The following MYT1L variants were observed in gnomAD, a reference collection of about 807,000 sequenced individuals.
MYT1L encodes the protein myelin transcription factor 1-like protein.
A neutral mutation model predicts 126.7 loss-of-function variants in MYT1L; 12 were observed. The observed-to-expected ratio is 0.09, with a 90% CI of 0.06 to 0.15. The LOEUF (loss-of-function observed/expected upper bound fraction) is 0.15, where lower values mean the gene tolerates loss of function less well. Among genes scored for constraint, MYT1L ranks in the 10% least tolerant of loss-of-function variants. The pLI is 1.00. For missense variants in MYT1L, 979 were observed against 1,585.2 expected (o/e 0.62, Z 6.49); for synonymous variants, 541 against 604.2 (o/e 0.90, Z 1.53).
chr2:2,155,056 G>A (rs1053074237), intron 3 of MYT1L, among the ~76,000 whole-genome samples: 3 of 152,226 alleles, frequency 2.0e-5, no homozygotes, highest in Non-Finnish European at 1.5e-5. Context: ...GAACCTGGGA[G>A]GCAGAGGTTG....
At chr2:2,081,951 C>G (rs2075880181) in intron 3 of MYT1L, among the ~76,000 whole-genome samples, 1 of 152,104 alleles carries the variant, frequency 6.6e-6, no homozygotes, top group African/African-American at 2.4e-5. Flanking sequence ...CCACGTTGGT[C>G]AGGCTGGTCT....
chr2:1,870,616 G>C (rs943554654), intron 18 of MYT1L, among the ~76,000 whole-genome samples: 2 of 152,152 alleles, frequency 1.3e-5, no homozygotes, highest in African/African-American at 4.8e-5. Flanking sequence ...ACCTGGCCAG[G>C]CAAGTCCATC....
At position 2,205,988 on chromosome 2, in the gene MYT1L, C is replaced by CT. The variant is rs34725591; in HGVS notation, c.-420-33001dup. Among the ~76,000 whole-genome samples the CT allele has an allele frequency of 5.8e-3, 848 of 145,906 alleles. 4 individuals are homozygous for CT. Among genetic ancestry groups the CT allele is most frequent in the Middle Eastern group, 0.014 (4 of 282 alleles). ...TAATTTCTTTTCTTTTCTTTTCTTT[C>CT]TTTTTTTTTTTTGAAACAGGGTCTC... On this transcript the variant is annotated intron_variant, in intron 2 of 24. Coordinates refer to ENST00000647738, the MANE Select transcript of MYT1L (RefSeq NM_001303052.2).
At chr2:2,107,409 C>T (rs1173996164) in intron 3 of MYT1L, among the ~76,000 whole-genome samples, 7 of 152,166 alleles carry the variant, frequency 4.6e-5, no homozygotes, top group Admixed American at 4.6e-4. Flanking sequence ...ACAGCAGAGG[C>T]CAGAAGTTGT....
At chr2:1,833,889 C>T (rs1395789081) in intron 21 of MYT1L, among the ~76,000 whole-genome samples, 4 of 152,204 alleles carry the variant, frequency 2.6e-5, no homozygotes, top group African/African-American at 4.8e-5. Flanking sequence ...GCAGCGGCTG[C>T]GCCAGGACTC....
chr2:1,983,781 A>G (rs984728125), intron 5 of MYT1L, among the ~76,000 whole-genome samples: 1 of 152,218 alleles, frequency 6.6e-6, no homozygotes, highest in Admixed American at 6.5e-5. Context: ...GAACCCGTGA[A>G]TGGCTCAGTC....
At chr2:2,295,595 G>GAGAGAGAGAGAGAGACAGACAGAC (rs1559583703) in intron 1 of MYT1L, among the ~76,000 whole-genome samples, 4 of 79,362 alleles carry the variant, frequency 5.0e-5, no homozygotes, top group African/African-American at 1.4e-4. Context: ...CAGACAGACA[G>GAGAGAGAGAGAGAGACAGACAGAC]AGAGAGAGAC....
intron 3 of MYT1L, among the ~76,000 whole-genome samples, chr2:2,087,959 G>A (rs1248818248): frequency 2.6e-5 from 4 of 152,214 alleles, no homozygotes; most frequent in African/African-American, 9.7e-5. Flanking sequence ...GATCACGGCT[G>A]AGTTGGTCAG....
At chr2:2,047,304 G>A (rs993429116) in intron 4 of MYT1L, among the ~76,000 whole-genome samples, 1 of 152,148 alleles carries the variant, frequency 6.6e-6, no homozygotes, top group Non-Finnish European at 1.5e-5. Context: ...TAGATTTTAC[G>A]CTGGATTTAT....
chr2:1,797,140 A>G (rs2033716800), intron 23 of MYT1L, among the ~76,000 whole-genome samples: 1 of 152,124 alleles, frequency 6.6e-6, no homozygotes, highest in Non-Finnish European at 1.5e-5. Flanking sequence ...CACTGAATCC[A>G]GTTGAATGGG....
intron 4 of MYT1L, among the ~76,000 whole-genome samples, chr2:2,008,428 T>A (rs1352938913): frequency 1.3e-5 from 2 of 152,242 alleles, no homozygotes; most frequent in African/African-American, 4.8e-5. Context: ...CGTTTCCCAT[T>A]TGAGGAGTGA....
At chr2:1,867,969 TTTTC>T (rs1348348159) in intron 18 of MYT1L, among the ~76,000 whole-genome samples, 9 of 147,676 alleles carry the variant, frequency 6.1e-5, no homozygotes, top group East Asian at 4.4e-4. Flanking sequence ...GGCTCTATGC[TTTTC>T]TTTCTTTTTT....
At chr2:1,859,048 T>C (rs2044254484) in intron 18 of MYT1L, among the ~76,000 whole-genome samples, 1 of 152,202 alleles carries the variant, frequency 6.6e-6, no homozygotes, top group African/African-American at 2.4e-5. Context: ...GAGGGTGCTC[T>C]TGTCACTAAG....
chr2:2,330,035 T>C (rs2096275438), intron 1 of MYT1L, among the ~76,000 whole-genome samples: 2 of 152,036 alleles, frequency 1.3e-5, no homozygotes, highest in African/African-American at 4.8e-5. Flanking sequence ...TACATTTTTA[T>C]CTGTATGGGA....
intron 2 of MYT1L, among the ~76,000 whole-genome samples, chr2:2,244,195 T>C (rs1210045726): frequency 6.6e-6 from 1 of 152,234 alleles, no homozygotes; most frequent in South Asian, 2.1e-4. Flanking sequence ...GGGAAAATGC[T>C]GACCGGTCTT....
chr2:2,108,747 T>C lies in MYT1L; in HGVS notation c.-303-54624A>G, dbSNP rs1047273950. On this transcript the variant is annotated intron_variant, in intron 3 of 24. Coordinates refer to ENST00000647738, the MANE Select transcript of MYT1L (RefSeq NM_001303052.2). Reference sequence around the variant, plus strand: ...ACTGATGCTTATTATTTTTATTTTGTTTTATTCAGAAAGATACAGCGTTTG... The same window carrying C: ...ACTGATGCTTATTATTTTTATTTTGCTTTATTCAGAAAGATACAGCGTTTG... Among the ~76,000 whole-genome samples the C allele has an allele frequency of 2.6e-5, 4 of 152,376 alleles. No homozygotes were observed. The South Asian group carries it at 8.3e-4, about 32-fold the overall frequency.
intron 2 of MYT1L, among the ~76,000 whole-genome samples, chr2:2,282,824 C>T (rs2095467666): frequency 1.3e-5 from 2 of 152,214 alleles, no homozygotes; most frequent in Non-Finnish European, 2.9e-5. Context: ...CCTGTAATCC[C>T]AGCACTTTGG....
At chr2:2,279,915 C>A (rs2095424677) in intron 2 of MYT1L, among the ~76,000 whole-genome samples, 1 of 152,096 alleles carries the variant, frequency 6.6e-6, no homozygotes, top group Non-Finnish European at 1.5e-5. Context: ...ATTTAAGAAG[C>A]AGGACAAGTA....
rs1307690804 is a variant in MYT1L at position 2,010,578 on chromosome 2, C to G, written c.-157-13231G>C. On this transcript the variant is annotated intron_variant, in intron 4 of 24. Coordinates refer to ENST00000647738, the MANE Select transcript of MYT1L (RefSeq NM_001303052.2). ...AGTCTCGGTATCTTCTGGATACACT[C>G]CCCATGGCTGCTACTACCCAGTGAT... is the stretch of plus-strand genomic sequence containing the variant. Among the ~76,000 whole-genome samples the G allele has an allele frequency of 3.9e-5, 6 of 151,916 alleles. No individual in the cohort carries two copies. The East Asian group carries it at 1.2e-3, about 29-fold the overall frequency.
Sources: gnomAD v4.1 joint callset for allele counts (sites outside exome capture counted in the v4.1 genomes callset) on GRCh38, gnomAD v4.1.1 for gene constraint, MANE v1.5 for transcripts, NCBI Gene and HGNC (gene_info 2026-07-23, HGNC 2026-07-21) for gene names.